The following CHRNA7 variants were observed in gnomAD, a reference collection of about 807,000 sequenced individuals.
The protein encoded by CHRNA7 is neuronal acetylcholine receptor subunit alpha-7.
Under a neutral mutation model 48.0 loss-of-function variants are expected in CHRNA7, and 17 were observed. That is an observed-to-expected ratio of 0.35 (90% CI 0.24 to 0.53). The LOEUF (loss-of-function observed/expected upper bound fraction) is 0.53, where lower values mean the gene tolerates loss of function less well. Ranked by LOEUF, CHRNA7 falls within the 20% of genes least tolerant of loss-of-function variation. CHRNA7 has a pLI of 0.92. For missense variants in CHRNA7, 155 were observed against 577.7 expected (o/e 0.27, Z 7.50); for synonymous variants, 75 against 242.3 (o/e 0.31, Z 6.41).
At chr15:32,154,527 A>G (rs1190641905) in intron 5 of CHRNA7, among the ~76,000 whole-genome samples, 9 of 16,976 alleles carry the variant, frequency 5.3e-4, no homozygotes, top group Non-Finnish European at 2.2e-4. Flanking sequence ...TCTCACCTCC[A>G]AGGCTAAGTG....
chr15:32,126,522 A>T (rs2051069425), intron 4 of CHRNA7, among the ~76,000 whole-genome samples: 1 of 152,204 alleles, frequency 6.6e-6, no homozygotes, highest in African/African-American at 2.4e-5. Flanking sequence ...ACACAGTCAA[A>T]TTGGTTAATT....
intron 2 of CHRNA7, among the ~76,000 whole-genome samples, chr15:32,069,525 T>C (rs2050020373): frequency 6.6e-6 from 1 of 152,144 alleles, no homozygotes; most frequent in Non-Finnish European, 1.5e-5. Context: ...TGAATGGCTG[T>C]AGTCCCAACT....
intron 2 of CHRNA7, among the ~76,000 whole-genome samples, chr15:32,064,594 G>A (rs1457983747): frequency 1.3e-5 from 2 of 152,018 alleles, no homozygotes; most frequent in Non-Finnish European, 2.9e-5. Context: ...ATCATAGCAT[G>A]ATTTGGATGG....
At chr15:32,135,629 A>T (rs1448434590) in intron 4 of CHRNA7, among the ~76,000 whole-genome samples, 2 of 152,210 alleles carry the variant, frequency 1.3e-5, no homozygotes, top group Non-Finnish European at 2.9e-5. Context: ...CCATTGAAAT[A>T]CAATGATTTT....
chr15:32,138,095 G>A (rs1220648681), intron 4 of CHRNA7, among the ~76,000 whole-genome samples: 1 of 151,998 alleles, frequency 6.6e-6, no homozygotes, highest in African/African-American at 2.4e-5. Context: ...ACCTAGAAAT[G>A]TATTAAATAA....
At chr15:32,077,868 C>T (rs952870144) in intron 2 of CHRNA7, among the ~76,000 whole-genome samples, 1 of 152,224 alleles carries the variant, frequency 6.6e-6, no homozygotes, top group South Asian at 2.1e-4. Context: ...ACAACTAGCA[C>T]TCACTGCTCT....
chr15:32,048,757 C>A (rs368082179), intron 2 of CHRNA7, among the ~76,000 whole-genome samples: 116 of 151,834 alleles, frequency 7.6e-4, no homozygotes, highest in Non-Finnish European at 1.4e-3. Flanking sequence ...TTTAATTGTG[C>A]TGTTAGGGTG....
intron 2 of CHRNA7, among the ~76,000 whole-genome samples, chr15:32,096,392 T>A (rs968306991): frequency 1.6e-4 from 25 of 152,198 alleles, no homozygotes; most frequent in Admixed American, 2.6e-4. Context: ...ATGAGTCTTT[T>A]GTCAGACCTA....
At chr15:32,139,832 T>A (rs1010782923) in intron 4 of CHRNA7, among the ~76,000 whole-genome samples, 3 of 152,126 alleles carry the variant, frequency 2.0e-5, no homozygotes, top group Non-Finnish European at 2.9e-5. Context: ...ATTCTTTTGA[T>A]CAGTATATTT....
chr15:32,091,713 A>G (rs926977132), intron 2 of CHRNA7, among the ~76,000 whole-genome samples: 2 of 152,104 alleles, frequency 1.3e-5, no homozygotes, highest in African/African-American at 4.8e-5. Context: ...CCACTTAGGC[A>G]TTGTTTAGGC....
intron 2 of CHRNA7, among the ~76,000 whole-genome samples, chr15:32,045,305 G>A (rs1231673861): frequency 6.6e-6 from 1 of 152,088 alleles, no homozygotes; most frequent in East Asian, 1.9e-4. Flanking sequence ...CAATGTATGG[G>A]AAAAATGGTA....
chr15:32,104,976 AT>A (rs1382044654), intron 3 of CHRNA7, among the ~76,000 whole-genome samples: 1 of 152,154 alleles, frequency 6.6e-6, no homozygotes, highest in African/African-American at 2.4e-5. Flanking sequence ...AATGTATATG[AT>A]TTGGCAATTT....
chr15:32,136,827 C>A (rs761912582), intron 4 of CHRNA7, among the ~76,000 whole-genome samples: 1 of 150,850 alleles, frequency 6.6e-6, no homozygotes, highest in Non-Finnish European at 1.5e-5. Context: ...GTCAGGAGAT[C>A]GAGACCATCC....
chr15:32,084,833 CTT>C (rs56806689), intron 2 of CHRNA7, among the ~76,000 whole-genome samples: 128,252 of 139,292 alleles, frequency 0.92, 59,729 homozygotes, highest in Non-Finnish European at 0.99. Flanking sequence ...ACCTCTGACT[CTT>C]TTTTTTTTTT....
At chr15:32,128,119 G>A (rs2051098986) in intron 4 of CHRNA7, among the ~76,000 whole-genome samples, 1 of 151,948 alleles carries the variant, frequency 6.6e-6, no homozygotes, top group South Asian at 2.1e-4. Flanking sequence ...GTATATTTGT[G>A]TGGGTCTACT....
intron 3 of CHRNA7, among the ~76,000 whole-genome samples, chr15:32,107,041 C>T (rs192953073): frequency 1.4e-3 from 215 of 152,150 alleles, no homozygotes; most frequent in Non-Finnish European, 2.6e-3. Context: ...GAGAAGAAAG[C>T]GTCAGGGTCA....
intron 9 of CHRNA7, among the ~76,000 whole-genome samples, 157 bp from the exon 10 acceptor site, chr15:32,167,783 C>G (rs1475573187): frequency 2.9e-5 from 2 of 70,060 alleles, no homozygotes; most frequent in African/African-American, 8.4e-5. Context: ...GCTTGTCATA[C>G]GCAAGCACTG....
At chr15:32,133,462 G>A (rs770244527) in intron 4 of CHRNA7, among the ~76,000 whole-genome samples, 5 of 152,192 alleles carry the variant, frequency 3.3e-5, no homozygotes, top group African/African-American at 4.8e-5. Flanking sequence ...ATCCTGGGTC[G>A]CAAAAGTCAT....
intron 2 of CHRNA7, among the ~76,000 whole-genome samples, chr15:32,047,917 T>C (rs1178635683): frequency 2.0e-5 from 3 of 152,224 alleles, no homozygotes; most frequent in Non-Finnish European, 4.4e-5. Flanking sequence ...TTTCTGCATC[T>C]ATTGAGATAA....
Sources: allele counts gnomAD v4.1 joint callset (sites outside exome capture counted in the v4.1 genomes callset), GRCh38; gene constraint gnomAD v4.1.1; transcripts MANE v1.5; gene names NCBI Gene and HGNC (gene_info 2026-07-23, HGNC 2026-07-21).